GGT5: variants seen among roughly 807,000 people sequenced by gnomAD.
GGT5 encodes the protein glutathione hydrolase 5 proenzyme.
Under a neutral mutation model 58.1 loss-of-function variants are expected in GGT5, and 50 were observed. The observed-to-expected ratio is 0.86, with a 90% CI of 0.69 to 1.09. The LOEUF is 1.09. Ranked by LOEUF, GGT5 falls within the 50% of genes least tolerant of loss-of-function variation. The pLI is 0.00. For missense variants in GGT5, 800 were observed against 789.4 expected (o/e 1.01, Z -0.16); for synonymous variants, 370 against 346.1 (o/e 1.07, Z -0.77).
At chr22:24,227,082 G>C (rs2047791774) in intron 6 of GGT5, among the ~76,000 whole-genome samples, 2 of 151,166 alleles carry the variant, frequency 1.3e-5, no homozygotes, top group African/African-American at 4.9e-5. Flanking sequence ...CTGAGTAGCT[G>C]AGACTACATG....
intron 6 of GGT5, among the ~76,000 whole-genome samples, chr22:24,229,678 A>T (rs908405295): frequency 3.3e-5 from 5 of 151,724 alleles, no homozygotes; most frequent in Middle Eastern, 3.4e-3. Flanking sequence ...CTAAAAAAAT[A>T]AAATAAATAA....
intron 6 of GGT5, among the ~76,000 whole-genome samples, chr22:24,229,506 G>A (rs1226867513): frequency 6.6e-6 from 1 of 151,908 alleles, no homozygotes; most frequent in Non-Finnish European, 1.5e-5. Flanking sequence ...AGTGTACACT[G>A]CTTGTGTGAT....
Position 24,226,222 on chromosome 22 carries a change from G to A in GGT5, c.1083C>T (p.Ile361=). Residue 361 remains isoleucine, a synonymous_variant, in exon 8 of 12, where the codon ATC becomes ATT. Transcript: ENST00000327365. ...CCCCCCGGCCATCGATCTGTTGGCGGATGAGCTGGGCCAGGGTCTCCCCCA... is the reference window on the plus strand; with the variant it reads ...CCCCCCGGCCATCGATCTGTTGGCGAATGAGCTGGGCCAGGGTCTCCCCCA... ...DLLGETLAQL[I]RQQIDGRGDH... The A allele has an allele frequency of 2.5e-6, 4 of 1,608,930 alleles. No individual in the cohort carries two copies. In the South Asian group the frequency reaches 3.3e-5, roughly 13 times the overall value.
chr22:24,231,503 G>A lies in GGT5; in HGVS notation c.782C>T (p.Ala261Val), dbSNP rs949680831. The A allele has an allele frequency of 1.0e-5, 16 of 1,588,856 alleles. No homozygotes were observed. In the East Asian group the frequency reaches 3.7e-4, roughly 37 times the overall value. ...ATCCACCACCTCGGGCTGGAACTTG[G>A]CCAGGTCCTGCAGCGTCAGCTGGCT... Reference protein sequence around the residue: ...EGSQLTLQDLAKFQPEVVDAL... With the variant: ...EGSQLTLQDLVKFQPEVVDAL... Residue 261 changes from alanine (A) to valine (V), a missense_variant, in exon 6 of 12, where the codon GCC (alanine) becomes GTC (valine). Transcript: ENST00000327365.
At chr22:24,222,806 G>A (rs112352468) in intron 11 of GGT5, among the ~76,000 whole-genome samples, 132 of 152,078 alleles carry the variant, frequency 8.7e-4, no homozygotes, top group African/African-American at 1.8e-3. Context: ...GGCCGGGCGC[G>A]GTGGCTCACG....
In GGT5 at chr22:24,241,474, A is replaced by G. The variant is rs184145530; in HGVS notation, c.173+3079T>C. On this transcript the variant is annotated intron_variant, in intron 1 of 11. Transcript: ENST00000327365. ...AAGCAGAATTCCTGCTTCTCTGGGAAACCTCAGTTTTTGTTCTTACGGCCT... is the reference window on the plus strand; with the variant it reads ...AAGCAGAATTCCTGCTTCTCTGGGAGACCTCAGTTTTTGTTCTTACGGCCT... 38 of 152,302 alleles carry G rather than the reference A, an allele frequency of 2.5e-4. No individual in the cohort carries two copies. The East Asian group carries it at 6.6e-3, about 26-fold the overall frequency. The allele number at this position is 152,302 out of a possible 1,614,324, so 9.4% of individuals were successfully genotyped here. A position where few individuals can be genotyped will look rare whatever the true frequency, so the allele number is the denominator to read the frequency against.
Position 24,225,013 on chromosome 22 carries a change from C to T in GGT5, c.1597G>A (p.Glu533Lys), listed in dbSNP as rs776231440. 9 of 1,592,826 alleles carry T rather than the reference C, an allele frequency of 5.7e-6. No individual in the cohort carries two copies. The East Asian group carries it at 9.2e-5, about 16-fold the overall frequency. Residue 533 changes from glutamate (E) to lysine (K), a missense_variant, in exon 11 of 12, where the codon GAG becomes AAG. Glu to Lys is a moderately conservative substitution (Grantham distance 56). Coordinates refer to ENST00000327365, the MANE Select transcript of GGT5 (RefSeq NM_004121.5). The part of the protein sequence containing the change: ...HVNSKGCVEY[E>K]PNFSQEVQRG... Reference sequence around the variant, plus strand: ...AGCCTCACCTGGCTGAAGTTGGGCTCGTACTCCACACAGCCCTTGCTGTTG... The same window carrying T: ...AGCCTCACCTGGCTGAAGTTGGGCTTGTACTCCACACAGCCCTTGCTGTTG...
chr22:24,233,083 C>G, intron 3 of GGT5, 65 bp from the exon 4 acceptor site: 1 of 1,213,004 alleles, frequency 8.2e-7, no homozygotes, highest in Non-Finnish European at 1.1e-6. Flanking sequence ...GCCATCACCC[C>G]TACATGTGGC....
Position 24,244,928 on chromosome 22 carries a change from C to T in GGT5, c.-203G>A, listed in dbSNP as rs948763058. On this transcript the variant is annotated 5_prime_UTR_variant, in exon 1 of 12. Coordinates refer to ENST00000327365, the MANE Select transcript of GGT5 (RefSeq NM_004121.5). ...AAGAGGACAGTAAGAGAAAGATGGT[C>T]AGATAGACAATGGGACAGAGATGGG... 2 of 894,268 alleles carry T rather than the reference C, an allele frequency of 2.2e-6. No homozygotes were observed. The highest frequency in any genetic ancestry group is 5.9e-5 in the Admixed American group (2 of 34,066). The allele number at this position is 894,268 out of a possible 1,614,324, so 55.4% of individuals were successfully genotyped here. A position where few individuals can be genotyped will look rare whatever the true frequency, so the allele number is the denominator to read the frequency against.
At chr22:24,240,390 T>C (rs183316733) in intron 1 of GGT5, among the ~76,000 whole-genome samples, 131 of 152,020 alleles carry the variant, frequency 8.6e-4, no homozygotes, top group Non-Finnish European at 1.5e-3. Flanking sequence ...TTAAAGTAAT[T>C]GGAAATAAAG....
At chr22:24,228,440 T>A (rs2047841113) in intron 6 of GGT5, among the ~76,000 whole-genome samples, 1 of 139,382 alleles carries the variant, frequency 7.2e-6, no homozygotes, top group Admixed American at 7.9e-5. Flanking sequence ...CCAAGGATGA[T>A]CATTTCAAAA....
At chr22:24,233,074 C>T (rs947204190) in intron 3 of GGT5, 56 bp from the exon 4 acceptor site, 6 of 1,321,126 alleles carry the variant, frequency 4.5e-6, no homozygotes, top group Non-Finnish European at 6.1e-6. Flanking sequence ...CCCAGGTTTG[C>T]CATCACCCCT....
At chr22:24,238,129 T>G (rs1399401911) in intron 1 of GGT5, among the ~76,000 whole-genome samples, 7 of 149,012 alleles carry the variant, frequency 4.7e-5, no homozygotes, top group Non-Finnish European at 8.9e-5. Flanking sequence ...CTTGGGAGGC[T>G]GAGGCACAAG....
chr22:24,222,886 G>T lies in GGT5; in HGVS notation c.1614+2110C>A, dbSNP rs545173789. 6.6e-5 allele frequency among the ~76,000 whole-genome samples: 10 copies of T among 151,376 alleles called. No homozygotes were observed. In the South Asian group the frequency reaches 1.0e-3, roughly 16 times the overall value. The stretch of plus-strand genomic sequence containing the variant: ...AGGTCAGGAGATCGAGACCATCCTG[G>T]CTAACACGGTGAAACCCTGTCTCTA... On this transcript the variant is annotated intron_variant, in intron 11 of 11. Transcript: ENST00000327365.
chr22:24,228,069 A>AC (rs2047826826), intron 6 of GGT5, among the ~76,000 whole-genome samples: 1 of 89,550 alleles, frequency 1.1e-5, no homozygotes, highest in African/African-American at 4.5e-5. Flanking sequence ...AAAAAAAACA[A>AC]AACAAAAAAA....
At chr22:24,232,266 C>A in intron 4 of GGT5, 58 bp from the exon 5 acceptor site, 6 of 1,061,928 alleles carry the variant, frequency 5.7e-6, no homozygotes, top group Non-Finnish European at 8.0e-6. Context: ...CCACACTCTT[C>A]CGGGGCTCTC....
intron 1 of GGT5, chr22:24,243,817 G>A (rs1029953240): frequency 6.6e-6 from 1 of 152,164 alleles, no homozygotes. Flanking sequence ...CTCAGCTCAC[G>A]AGACCCAGGC....
Position 24,225,382 on chromosome 22 carries a change from C to G in GGT5, c.1366G>C (p.Gly456Arg), listed in dbSNP as rs767011018. 2 of 1,608,630 alleles carry G rather than the reference C, an allele frequency of 1.2e-6. No individual in the cohort carries two copies. Among genetic ancestry groups the G allele is most frequent in the Non-Finnish European group, 1.7e-6 (2 of 1,176,842 alleles). Residue 456 changes from glycine to arginine, a missense_variant, in exon 10 of 12, where the codon GGA becomes CGA. Transcript: ENST00000327365. ...CCTGGAACTGGGGGCCAGCACCTTC[C>G]GGGAGCTCCACCCACCCTGTCTCCA... is the stretch of plus-strand genomic sequence containing the variant. ...VSGDRVGGAPGRCWPPVPGER... is the reference protein window; with the variant it reads ...VSGDRVGGAPRRCWPPVPGER...
At chr22:24,232,760 G>A in intron 4 of GGT5, 63 bp downstream of exon 4, 1 of 1,177,390 alleles carries the variant, frequency 8.5e-7, no homozygotes, top group Non-Finnish European at 1.2e-6. Context: ...CTGGGGTGTG[G>A]ACTGGGCCCA....
Sources: allele counts gnomAD v4.1 joint callset (sites outside exome capture counted in the v4.1 genomes callset), GRCh38; gene constraint gnomAD v4.1.1; transcripts MANE v1.5; gene names NCBI Gene and HGNC (gene_info 2026-07-23, HGNC 2026-07-21).